The following CNTNAP2 variants were observed in gnomAD, a reference collection of about 807,000 sequenced individuals.
CNTNAP2 encodes contactin-associated protein-like 2.
A neutral mutation model predicts 155.2 loss-of-function variants in CNTNAP2; 98 were observed. The ratio of observed to expected loss-of-function variants is 0.63; its 90% CI spans 0.54 to 0.75. The LOEUF is 0.75. Among genes scored for constraint, CNTNAP2 ranks in the 30% least tolerant of loss-of-function variants. The pLI is 0.00. For missense variants in CNTNAP2, 1,727 were observed against 1,688.1 expected (o/e 1.02, Z -0.40); for synonymous variants, 651 against 631.2 (o/e 1.03, Z -0.47).
rs558936081 is a variant in CNTNAP2, at chr7:148,238,117, G to A, written c.3381+8338G>A. On this transcript the variant is annotated intron_variant, in intron 20 of 23. Transcript: ENST00000361727. ...TGTAATCCCAGCACTTCGGGAGGCCGAGGCGGGTGGATCATGATGTCAAGA... is the reference window on the plus strand; with the variant it reads ...TGTAATCCCAGCACTTCGGGAGGCCAAGGCGGGTGGATCATGATGTCAAGA... 2.0e-5 allele frequency among the ~76,000 whole-genome samples: 3 copies of A among 152,270 alleles called. No homozygotes were observed. The South Asian group carries it at 6.2e-4, about 32-fold the overall frequency.
chr7:147,119,186 AT>A (rs1424048687), intron 5 of CNTNAP2, among the ~76,000 whole-genome samples: 2 of 152,134 alleles, frequency 1.3e-5, no homozygotes, highest in African/African-American at 4.8e-5. Flanking sequence ...AAAGATGTTT[AT>A]TTTTTCAAAC....
At chr7:146,258,739 G>A (rs111677344) in intron 1 of CNTNAP2, among the ~76,000 whole-genome samples, 6,305 of 152,200 alleles carry the variant, frequency 0.041, 399 homozygotes, top group African/African-American at 0.14. Flanking sequence ...TCAATCCTCA[G>A]AGATGAGCCA....
intron 1 of CNTNAP2, among the ~76,000 whole-genome samples, chr7:146,126,502 A>G (rs890364444): frequency 2.6e-4 from 39 of 152,300 alleles, no homozygotes; most frequent in African/African-American, 9.4e-4. Context: ...TTTGAGTACT[A>G]TTGAAATACA....
intron 15 of CNTNAP2, among the ~76,000 whole-genome samples, chr7:148,083,004 T>C (rs1479551837): frequency 6.6e-6 from 1 of 151,976 alleles, no homozygotes; most frequent in African/African-American, 2.4e-5. Context: ...TTGGTGGTTG[T>C]AGAGAATGCA....
At chr7:146,615,675 G>A (rs1379989897) in intron 1 of CNTNAP2, among the ~76,000 whole-genome samples, 2 of 152,202 alleles carry the variant, frequency 1.3e-5, no homozygotes, top group Admixed American at 1.3e-4. Context: ...AAATGGAAAT[G>A]CATGCATTCA....
chr7:147,443,598 G>T (rs916750521), intron 10 of CNTNAP2, among the ~76,000 whole-genome samples: 8 of 152,152 alleles, frequency 5.3e-5, no homozygotes, highest in Admixed American at 2.0e-4. Context: ...GTAGGGGGAT[G>T]ATCGGTAGAG....
intron 13 of CNTNAP2, among the ~76,000 whole-genome samples, chr7:147,726,443 G>A (rs568059900): frequency 3.6e-4 from 55 of 152,100 alleles, no homozygotes; most frequent in Non-Finnish European, 6.9e-4. Context: ...CCAGTACACC[G>A]CAAAGAGGGT....
At chr7:147,778,394 G>A (rs2116550730) in intron 13 of CNTNAP2, among the ~76,000 whole-genome samples, 1 of 152,328 alleles carries the variant, frequency 6.6e-6, no homozygotes, top group East Asian at 1.9e-4. Context: ...ATGATTTGGG[G>A]TAAACCCTAG....
chr7:146,851,873 G>T (rs1406365138), intron 3 of CNTNAP2, among the ~76,000 whole-genome samples: 1 of 151,750 alleles, frequency 6.6e-6, no homozygotes, highest in Non-Finnish European at 1.5e-5. Context: ...TTTTTGTAGT[G>T]ATGGGTCTCA....
intron 1 of CNTNAP2, among the ~76,000 whole-genome samples, chr7:146,199,831 GCTTTT>G (rs1350690906): frequency 6.6e-6 from 1 of 152,196 alleles, no homozygotes; most frequent in East Asian, 1.9e-4. Flanking sequence ...ACTTCTCATT[GCTTTT>G]CTTTTCTTAA....
At chr7:146,642,426 G>A (rs1799727583) in intron 1 of CNTNAP2, among the ~76,000 whole-genome samples, 3 of 150,224 alleles carry the variant, frequency 2.0e-5, no homozygotes, top group Admixed American at 1.3e-4. Context: ...TTTTGTTCTT[G>A]CGATAGTTTA....
chr7:147,265,351 A>G (rs1398651621), intron 8 of CNTNAP2, among the ~76,000 whole-genome samples: 1 of 152,176 alleles, frequency 6.6e-6, no homozygotes, highest in Non-Finnish European at 1.5e-5. Flanking sequence ...CTTGGTCCCA[A>G]GAGGTAGTTC....
At chr7:148,410,095 T>G (rs1244603319) in intron 23 of CNTNAP2, among the ~76,000 whole-genome samples, 1 of 149,480 alleles carries the variant, frequency 6.7e-6, no homozygotes, top group Non-Finnish European at 1.5e-5. Context: ...ATAGTAAATG[T>G]AACCTGGCTA....
intron 1 of CNTNAP2, among the ~76,000 whole-genome samples, chr7:146,355,462 A>G (rs1169752593): frequency 6.6e-6 from 1 of 152,156 alleles, no homozygotes; most frequent in Non-Finnish European, 1.5e-5. Flanking sequence ...AGCAGTGCAT[A>G]TTTAAAATCA....
chr7:146,938,555 AT>A (rs1401477415), intron 3 of CNTNAP2, among the ~76,000 whole-genome samples: 1 of 151,692 alleles, frequency 6.6e-6, no homozygotes, highest in East Asian at 1.9e-4. Context: ...TCCACTCCAC[AT>A]CCATGTTACA....
chr7:148,259,208 A>T (rs1374820747), intron 20 of CNTNAP2, among the ~76,000 whole-genome samples: 1 of 144,360 alleles, frequency 6.9e-6, no homozygotes, highest in African/African-American at 2.6e-5. Context: ...AAAAAAAAAA[A>T]AGCCAGGCAT....
At chr7:146,796,779 T>G (rs1304680276) in intron 2 of CNTNAP2, among the ~76,000 whole-genome samples, 5 of 152,002 alleles carry the variant, frequency 3.3e-5, no homozygotes, top group Non-Finnish European at 5.9e-5. Context: ...TTGTGGGGAT[T>G]ACATAAGTTA....
chr7:146,877,677 A>G (rs1274995460), intron 3 of CNTNAP2, among the ~76,000 whole-genome samples: 1 of 151,748 alleles, frequency 6.6e-6, no homozygotes, highest in Non-Finnish European at 1.5e-5. Flanking sequence ...ATATGTATAC[A>G]TATATATGGA....
At chr7:146,272,701 T>C (rs1800101214) in intron 1 of CNTNAP2, among the ~76,000 whole-genome samples, 1 of 152,144 alleles carries the variant, frequency 6.6e-6, no homozygotes, top group Non-Finnish European at 1.5e-5. Context: ...TACAAATATG[T>C]GCCCTCATGT....
Sources: gnomAD v4.1 joint callset for allele counts (sites outside exome capture counted in the v4.1 genomes callset) on GRCh38, gnomAD v4.1.1 for gene constraint, MANE v1.5 for transcripts, NCBI Gene and HGNC (gene_info 2026-07-23, HGNC 2026-07-21) for gene names.